Variants in TAF4 observed in about 807,000 individuals in gnomAD.
TAF4 encodes transcription initiation factor TFIID subunit 4.
A neutral mutation model predicts 90.3 loss-of-function variants in TAF4; 9 were observed. The ratio of observed to expected loss-of-function variants is 0.10; its 90% CI spans 0.06 to 0.17. TAF4 has a LOEUF of 0.17. Among genes scored for constraint, TAF4 ranks in the 10% least tolerant of loss-of-function variants. TAF4 has a pLI of 1.00. For synonymous variants in TAF4, 818 were observed against 638.9 expected, an observed-to-expected ratio of 1.28 and a Z score of -4.23; for missense variants, 1,351 against 1,370.7, an observed-to-expected ratio of 0.99 and a Z score of 0.23.
chr20:61,978,021 CACCAACCAAGGGAGGGCACGAG>C (rs1568918816), intron 14 of TAF4, among the ~76,000 whole-genome samples: 6 of 151,730 alleles, frequency 4.0e-5, no homozygotes, highest in East Asian at 1.9e-4. Context: ...CAAGTGTCAG[CACCAACCAAGGGAGGGCACGAG>C]ACCAACCAAG....
chr20:62,020,153 A>G (rs1462930827), intron 1 of TAF4, among the ~76,000 whole-genome samples: 3 of 152,004 alleles, frequency 2.0e-5, no homozygotes, highest in African/African-American at 7.3e-5. Context: ...TATGCAAGTC[A>G]CTCCGGAGCA....
chr20:61,981,486 G>C (rs1465417656), intron 14 of TAF4: 2 of 152,148 alleles, frequency 1.3e-5, no homozygotes, highest in Admixed American at 1.3e-4. Flanking sequence ...AATAAGAGTT[G>C]ACTGGACTTA....
At position 62,006,561 on chromosome 20, in the gene TAF4, G is replaced by A; in HGVS notation, c.2172C>T (p.Leu724=). The A allele has an allele frequency of 6.3e-7, 1 of 1,584,476 alleles. No homozygotes were observed. The highest frequency in any genetic ancestry group is 8.6e-7 in the Non-Finnish European group (1 of 1,168,210). Residue 724 remains leucine (L), a synonymous_variant, in exon 7 of 15, where the codon CTC becomes CTT. Transcript: ENST00000252996. This position sits in a 1 kb window ranked among gnomAD's most constrained non-coding sequence, Gnocchi z 7.0. ...TSALQPPVLS[L]TQPTQVGVGK... ...CGACGCCGACCTGCGTGGGCTGCGT[G>A]AGGCTGAGCACAGGGGGCTGGAGGG...
At chr20:62,009,924 C>T (rs2055768564) in intron 4 of TAF4, 122 bp downstream of exon 4, 2 of 1,498,118 alleles carry the variant, frequency 1.3e-6, no homozygotes, top group Non-Finnish European at 1.8e-6. Flanking sequence ...CTGTTCACTG[C>T]TTTGTGAAGC....
At chr20:62,015,754 T>C (rs909901218) in intron 1 of TAF4, among the ~76,000 whole-genome samples, 22 of 152,158 alleles carry the variant, frequency 1.4e-4, no homozygotes, top group Admixed American at 2.0e-4. Context: ...TTGGTCATGA[T>C]GACAAATGAG....
chr20:61,976,390 C>CA, intron 14 of TAF4, 55 bp from the exon 15 acceptor site: 1 of 1,594,264 alleles, frequency 6.3e-7, no homozygotes, highest in Non-Finnish European at 8.6e-7. Context: ...GTGGGGCTTG[C>CA]AATGAGCCTG....
rs979447055 is a variant in TAF4 at position 62,064,010 on chromosome 20, G to A, written c.1360+441C>T. ...GACACAGGCCACACGCCTAACTGCA[G>A]AACTGAGCAGGGGACAGCTGCTGCC... On this transcript the variant is annotated intron_variant, in intron 1 of 14. Transcript: ENST00000252996. 5.9e-5 allele frequency among the ~76,000 whole-genome samples: 9 copies of A among 152,242 alleles called. No individual in the cohort carries two copies. In the South Asian group the frequency reaches 6.2e-4, roughly 10 times the overall value.
In TAF4 at chr20:62,010,145, G is replaced by A. The variant is rs147291976; in HGVS notation, c.1662C>T (p.Gly554=). 1.5e-5 allele frequency: 24 copies of A among 1,613,726 alleles called. No homozygotes were observed. The highest frequency in any genetic ancestry group is 5.5e-5 in the South Asian group (5 of 91,070). ...TCCCAAGTGAAGCCGTCTGGGCAGC[G>A]CCACCCAGAACGAGCTGAGGCTACA... ...PGVQPQLVLG[G]AAQTASLGTA... Residue 554 remains glycine (G), a synonymous_variant, in exon 4 of 15, where the codon GGC becomes GGT. Transcript: ENST00000252996. The surrounding 1 kb of genome is among the most constrained non-coding windows in gnomAD (Gnocchi z 4.5).
At chr20:62,053,879 G>A (rs2056045380) in intron 1 of TAF4, among the ~76,000 whole-genome samples, 1 of 152,226 alleles carries the variant, frequency 6.6e-6, no homozygotes, top group Non-Finnish European at 1.5e-5. Flanking sequence ...AAGACCAGGA[G>A]TGCCTCTTGG....
chr20:62,042,085 C>G (rs6061979), intron 1 of TAF4, among the ~76,000 whole-genome samples: 105,363 of 151,942 alleles, frequency 0.69, 36,716 homozygotes, highest in Middle Eastern at 0.78. Context: ...ATTCCTGTTT[C>G]CGCGCCCAAA....
Position 61,982,887 on chromosome 20 carries a change from C to A in TAF4, c.3091-6552G>T, listed in dbSNP as rs912105369. The stretch of plus-strand genomic sequence containing the variant: ...CCATGGCTCCTCCCAGCCTGCACCC[C>A]CCTCCCCACCCGTCCCCCACAAGGC... On this transcript the variant is annotated intron_variant, in intron 14 of 14. Transcript: ENST00000252996. 3.9e-5 allele frequency among the ~76,000 whole-genome samples: 6 copies of A among 152,314 alleles called. No individual in the cohort carries two copies. In the East Asian group the frequency reaches 1.2e-3, roughly 29 times the overall value.
At chr20:61,983,101 C>T (rs988066906) in intron 14 of TAF4, among the ~76,000 whole-genome samples, 2 of 152,016 alleles carry the variant, frequency 1.3e-5, no homozygotes, top group African/African-American at 4.8e-5. Flanking sequence ...CTGTGGAGGT[C>T]CTGTCACCAA....
intron 8 of TAF4, among the ~76,000 whole-genome samples, 163 bp from the exon 9 acceptor site, chr20:62,003,437 G>A (rs190334900): frequency 4.6e-5 from 7 of 152,300 alleles, no homozygotes; most frequent in Admixed American, 6.5e-5. Context: ...AGTACAAAGT[G>A]TAAGCTGTAC....
intron 14 of TAF4, 146 bp from the exon 15 acceptor site, chr20:61,976,481 G>T: frequency 1.1e-6 from 1 of 939,572 alleles, no homozygotes; most frequent in Non-Finnish European, 1.6e-6. Flanking sequence ...AGCTGGAGCT[G>T]GGGTGCTGTC....
At position 62,065,009 on chromosome 20, in the gene TAF4, C is replaced by CGGCGGG. The variant is rs1403518996; in HGVS notation, c.796_801dup (p.Pro266_Ala267dup). The CGGCGGG allele has an allele frequency of 3.6e-5, 8 of 222,308 alleles. No individual in the cohort carries two copies. The highest frequency in any genetic ancestry group is 3.4e-4 in the African/African-American group (6 of 17,696). The allele number at this position is 222,308 out of a possible 1,614,324, so 13.8% of individuals were successfully genotyped here. On this transcript the variant is annotated inframe_insertion, in exon 1 of 15. Transcript: ENST00000252996. ...GCGGGGGGTGGCGGGGGCGGGGCGG[C>CGGCGGG]GGCGGGGGCGGCGGGCGCGGGGGCG...
chr20:62,035,041 C>T (rs1471426632), intron 1 of TAF4, among the ~76,000 whole-genome samples: 3 of 152,010 alleles, frequency 2.0e-5, no homozygotes, highest in Non-Finnish European at 4.4e-5. Flanking sequence ...AGGATGGTCT[C>T]GATCCCCTGA....
intron 14 of TAF4, among the ~76,000 whole-genome samples, chr20:61,994,765 G>C (rs768004588): frequency 7.2e-5 from 11 of 152,186 alleles, no homozygotes; most frequent in Non-Finnish European, 1.6e-4. Flanking sequence ...ACCAAGAAGC[G>C]GTGCAAGACC....
chr20:62,036,307 G>A (rs2055932483), intron 1 of TAF4, among the ~76,000 whole-genome samples: 1 of 152,234 alleles, frequency 6.6e-6, no homozygotes, highest in African/African-American at 2.4e-5. Context: ...TGACAGGCGT[G>A]AGCCACCGCG....
intron 14 of TAF4, among the ~76,000 whole-genome samples, chr20:61,990,188 A>G (rs1417597256): frequency 6.6e-6 from 1 of 152,178 alleles, no homozygotes. Flanking sequence ...CAAGGATTAA[A>G]GTGTACATAT....
Sources: gnomAD v4.1 joint callset for allele counts (sites outside exome capture counted in the v4.1 genomes callset) on GRCh38, gnomAD v4.1.1 for gene constraint, Gnocchi (gnomAD v3.1) non-coding constraint, MANE v1.5 for transcripts, NCBI Gene and HGNC (gene_info 2026-07-23, HGNC 2026-07-21) for gene names.